The following OTUD7A variants were observed in gnomAD, a reference collection of about 807,000 sequenced individuals.
OTUD7A encodes the protein OTU domain-containing protein 7A.
A neutral mutation model predicts 65.7 loss-of-function variants in OTUD7A; 12 were observed. The ratio of observed to expected loss-of-function variants is 0.18; its 90% CI spans 0.12 to 0.30. The LOEUF is 0.30. Among genes scored for constraint, OTUD7A ranks in the 10% least tolerant of loss-of-function variants. The pLI is 1.00. For synonymous variants in OTUD7A, 641 were observed against 586.3 expected (o/e 1.09, Z -1.35); for missense variants, 1,148 against 1,304.8 (o/e 0.88, Z 1.85).
intron 1 of OTUD7A, among the ~76,000 whole-genome samples, chr15:31,828,452 G>A (rs191900003): frequency 4.5e-4 from 68 of 152,192 alleles, no homozygotes; most frequent in African/African-American, 1.5e-3. Flanking sequence ...CCATTTCTTT[G>A]TGGTGGGAAC....
intron 3 of OTUD7A, among the ~76,000 whole-genome samples, chr15:31,621,162 T>C (rs886338748): frequency 2.0e-5 from 3 of 151,904 alleles, no homozygotes; most frequent in Non-Finnish European, 4.4e-5. Flanking sequence ...TTTTTTACAT[T>C]TGCTGAGGAG....
chr15:31,700,350 C>T (rs1893186059), intron 1 of OTUD7A, among the ~76,000 whole-genome samples: 1 of 152,066 alleles, frequency 6.6e-6, no homozygotes, highest in Non-Finnish European at 1.5e-5. Flanking sequence ...CCACCCTTTG[C>T]CCTGCTCTCT....
chr15:31,594,852 C>T (rs1209522324), intron 3 of OTUD7A, among the ~76,000 whole-genome samples: 3 of 152,162 alleles, frequency 2.0e-5, no homozygotes, highest in Non-Finnish European at 4.4e-5. Context: ...GCTGTGTGAG[C>T]CTGAGGGCTG....
intron 1 of OTUD7A, among the ~76,000 whole-genome samples, chr15:31,769,727 T>G (rs1205333515): frequency 6.6e-6 from 1 of 152,222 alleles, no homozygotes; most frequent in Non-Finnish European, 1.5e-5. Flanking sequence ...ACATAGCATA[T>G]GATTCCATTT....
At chr15:31,826,788 G>A (rs1234032920) in intron 1 of OTUD7A, among the ~76,000 whole-genome samples, 2 of 152,168 alleles carry the variant, frequency 1.3e-5, no homozygotes, top group Non-Finnish European at 2.9e-5. Context: ...CTTCCACCAA[G>A]TACCCTAAAT....
At chr15:31,780,935 T>C (rs748497098) in intron 1 of OTUD7A, among the ~76,000 whole-genome samples, 1 of 152,216 alleles carries the variant, frequency 6.6e-6, no homozygotes, top group Non-Finnish European at 1.5e-5. Context: ...CAAATATTCT[T>C]GATGTACTGA....
intron 6 of OTUD7A, among the ~76,000 whole-genome samples, chr15:31,529,455 C>T (rs750603224): frequency 1.3e-5 from 2 of 152,160 alleles, no homozygotes; most frequent in Non-Finnish European, 2.9e-5. Flanking sequence ...GATGACAATA[C>T]CAAACTGTTA....
intron 1 of OTUD7A, among the ~76,000 whole-genome samples, chr15:31,808,136 C>CACACACACACACAAAAAAAA (rs772574742): frequency 1.8e-4 from 21 of 119,504 alleles, no homozygotes; most frequent in Non-Finnish European, 3.6e-4. Context: ...CACACACACA[C>CACACACACACACAAAAAAAA]AAACAAATCC....
intron 3 of OTUD7A, among the ~76,000 whole-genome samples, chr15:31,629,566 T>C (rs563773925): frequency 1.3e-5 from 2 of 152,200 alleles, no homozygotes. Flanking sequence ...TTTTTGTGTG[T>C]GTCTCTGCCA....
At chr15:31,617,619 C>G (rs143961954) in intron 3 of OTUD7A, among the ~76,000 whole-genome samples, 2 of 152,054 alleles carry the variant, frequency 1.3e-5, no homozygotes, top group Admixed American at 6.6e-5. Context: ...AGCTTAAGCA[C>G]AGGAAAGACT....
intron 8 of OTUD7A, among the ~76,000 whole-genome samples, chr15:31,515,137 C>T (rs931051829): frequency 6.6e-6 from 1 of 151,638 alleles, no homozygotes; most frequent in Non-Finnish European, 1.5e-5. Context: ...GAGAGAAATA[C>T]CCCAGCTAGA....
chr15:31,763,146 G>C (rs538464103), intron 1 of OTUD7A, among the ~76,000 whole-genome samples: 2 of 152,098 alleles, frequency 1.3e-5, no homozygotes, highest in African/African-American at 4.8e-5. Flanking sequence ...AACTGGGCCT[G>C]GTAGCATGTA....
At chr15:31,759,729 T>C (rs936820615) in intron 1 of OTUD7A, among the ~76,000 whole-genome samples, 3 of 152,178 alleles carry the variant, frequency 2.0e-5, no homozygotes, top group African/African-American at 7.2e-5. Context: ...GGTTTTGCCA[T>C]GTTGGCCAGG....
intron 1 of OTUD7A, among the ~76,000 whole-genome samples, chr15:31,676,531 A>G (rs1193576397): frequency 6.6e-6 from 1 of 152,258 alleles, no homozygotes; most frequent in Non-Finnish European, 1.5e-5. Context: ...AGGTATGCAT[A>G]GAATCCTTCC....
chr15:31,526,353 C>T lies in OTUD7A; in HGVS notation c.889G>A (p.Gly297Arg), dbSNP rs200886928. The T allele has an allele frequency of 1.2e-4, 188 of 1,591,200 alleles. 1 individual carries two copies. Among genetic ancestry groups the T allele is most frequent in the Middle Eastern group, 1.7e-4 (1 of 6,000 alleles). ...GAGAGCAGGGGCAGCACTTACCCCC[C>T]GCCCGTGCCGCCATTCTTGCTGAAG... ...THFSKNGGTG[G>R]GVDNSEDPVY... Residue 297 changes from glycine to arginine, a missense_variant, in exon 8 of 13, where the codon GGG becomes AGG. Physicochemically the swap from Gly to Arg is moderately radical, Grantham distance 125 (BLOSUM62 -2). Coordinates refer to ENST00000307050, the MANE Select transcript of OTUD7A (RefSeq NM_001382637.1).
intron 8 of OTUD7A, among the ~76,000 whole-genome samples, chr15:31,509,305 G>A (rs2041638777): frequency 6.6e-6 from 1 of 151,530 alleles, no homozygotes; most frequent in African/African-American, 2.4e-5. Flanking sequence ...TGGAGACGGA[G>A]TCTTGCTCTG....
intron 1 of OTUD7A, among the ~76,000 whole-genome samples, chr15:31,684,162 C>A (rs1300406522): frequency 2.6e-5 from 4 of 152,132 alleles, no homozygotes; most frequent in Admixed American, 2.6e-4. Context: ...TTAAGCCTCC[C>A]TAATCAATGG....
At chr15:31,545,210 T>C (rs28837146) in intron 5 of OTUD7A, among the ~76,000 whole-genome samples, 52,153 of 151,864 alleles carry the variant, frequency 0.34, 10,592 homozygotes, top group East Asian at 0.68. Context: ...GAAAAGATGA[T>C]TTCAATAAAT....
intron 1 of OTUD7A, among the ~76,000 whole-genome samples, chr15:31,850,807 C>A (rs1897406462): frequency 6.6e-6 from 1 of 152,320 alleles, no homozygotes; most frequent in South Asian, 2.1e-4. Context: ...CCATGGTACT[C>A]TTGGAGGCCT....
Sources: allele counts gnomAD v4.1 joint callset (sites outside exome capture counted in the v4.1 genomes callset), GRCh38; gene constraint gnomAD v4.1.1; transcripts MANE v1.5; gene names NCBI Gene and HGNC (gene_info 2026-07-23, HGNC 2026-07-21).